Variants in ZFAT observed in about 807,000 individuals in gnomAD.
ZFAT encodes zinc finger and AT-hook domain containing, also known as zinc finger protein ZFAT.
A neutral mutation model predicts 117.7 loss-of-function variants in ZFAT; 64 were observed. The observed-to-expected ratio is 0.54, with a 90% CI of 0.44 to 0.67. The LOEUF (loss-of-function observed/expected upper bound fraction) is 0.67, where lower values mean the gene tolerates loss of function less well. Ranked by LOEUF, ZFAT falls within the 30% of genes least tolerant of loss-of-function variation. ZFAT has a pLI of 0.00. For synonymous variants in ZFAT, 679 were observed against 615.0 expected, an observed-to-expected ratio of 1.10 and a Z score of -1.54; for missense variants, 1,433 against 1,584.5, an observed-to-expected ratio of 0.90 and a Z score of 1.62.
the ZFAT span, among the ~76,000 whole-genome samples, chr8:134,738,507 C>T: frequency 6.6e-6 from 1 of 152,184 alleles, no homozygotes; most frequent in African/African-American, 2.4e-5. Context: ...CTAGACAAAA[C>T]CAGACACAGC....
chr8:134,527,795 T>C (rs1821128415), intron 12 of ZFAT, among the ~76,000 whole-genome samples: 1 of 152,190 alleles, frequency 6.6e-6, no homozygotes, highest in Non-Finnish European at 1.5e-5. Context: ...CAAGCTGATA[T>C]CCCAAACCCA....
intron 3 of ZFAT, among the ~76,000 whole-genome samples, chr8:134,636,797 T>C (rs572794942): frequency 6.6e-6 from 1 of 152,346 alleles, no homozygotes; most frequent in Non-Finnish European, 1.5e-5. Context: ...CCACAGCAAC[T>C]TCATTCCCTG....
chr8:134,782,702 G>A, the ZFAT span, among the ~76,000 whole-genome samples: 8 of 152,116 alleles, frequency 5.3e-5, no homozygotes, highest in East Asian at 5.8e-4. Context: ...CTTGTCTGCT[G>A]CCATGCAAGA....
intron 11 of ZFAT, among the ~76,000 whole-genome samples, chr8:134,538,673 T>G (rs1586667926): frequency 6.6e-6 from 1 of 151,898 alleles, no homozygotes; most frequent in East Asian, 1.9e-4. Flanking sequence ...GGTACATGCC[T>G]GTAGTCCCAG....
chr8:134,660,829 A>G (rs1343095528), intron 1 of ZFAT, among the ~76,000 whole-genome samples: 1 of 152,250 alleles, frequency 6.6e-6, no homozygotes, highest in Non-Finnish European at 1.5e-5. Flanking sequence ...GCATTTGTAT[A>G]TGACAAAGTG....
the ZFAT span, among the ~76,000 whole-genome samples, chr8:134,783,357 C>G: frequency 1.3e-3 from 196 of 152,238 alleles, no homozygotes; most frequent in Non-Finnish European, 2.4e-3. Flanking sequence ...CATCTCCTGT[C>G]AGATCAGCAG....
chr8:134,740,036 T>G, the ZFAT span, among the ~76,000 whole-genome samples: 1 of 152,216 alleles, frequency 6.6e-6, no homozygotes, highest in Non-Finnish European at 1.5e-5. Context: ...CAGAACCAAG[T>G]GTCAGTTGTC....
In ZFAT at chr8:134,712,765, C is replaced by A; in HGVS notation, c.19+80G>T. The A allele has an allele frequency of 3.6e-6, 5 of 1,396,972 alleles. No individual in the cohort carries two copies. The South Asian group carries it at 5.3e-5, about 15-fold the overall frequency. 86.5% of individuals were successfully genotyped at this position (1,396,972 alleles called of 1,614,324 possible). On this transcript the variant is annotated intron_variant, in intron 1 of 15. Coordinates refer to ENST00000377838, the MANE Select transcript of ZFAT (RefSeq NM_020863.4). ...GCGGCCGGCGCACTGCTTCCCGACT[C>A]GACGCTCGAAACGGCTTTCCGCGCG...
At chr8:134,699,880 G>A (rs779059385) in intron 1 of ZFAT, among the ~76,000 whole-genome samples, 2 of 152,218 alleles carry the variant, frequency 1.3e-5, no homozygotes, top group African/African-American at 2.4e-5. Context: ...ACAAGGCACC[G>A]GGGCAGGAGC....
intron 11 of ZFAT, among the ~76,000 whole-genome samples, chr8:134,557,162 G>A (rs1438189686): frequency 6.6e-6 from 1 of 152,050 alleles, no homozygotes; most frequent in South Asian, 2.1e-4. Flanking sequence ...ACTAGAATAT[G>A]TTGTAACAAA....
At chr8:134,616,521 G>A (rs1828745316) in intron 3 of ZFAT, among the ~76,000 whole-genome samples, 1 of 152,198 alleles carries the variant, frequency 6.6e-6, no homozygotes, top group Non-Finnish European at 1.5e-5. Flanking sequence ...CCCATCTTCA[G>A]TTCACATGTA....
chr8:134,479,752 T>C (rs2129992063), intron 15 of ZFAT, among the ~76,000 whole-genome samples: 1 of 152,208 alleles, frequency 6.6e-6, no homozygotes, highest in South Asian at 2.1e-4. Flanking sequence ...TGACCGGGCT[T>C]TGAGCATCAA....
At chr8:134,613,570 C>T (rs553956694) in intron 3 of ZFAT, among the ~76,000 whole-genome samples, 2 of 152,156 alleles carry the variant, frequency 1.3e-5, no homozygotes, top group African/African-American at 2.4e-5. Context: ...CCCACGGCTG[C>T]TTTGGGGTGT....
the ZFAT span, among the ~76,000 whole-genome samples, chr8:134,741,406 C>T: frequency 9.8e-5 from 15 of 152,296 alleles, no homozygotes; most frequent in East Asian, 5.8e-4. Flanking sequence ...TTCTCAGCAG[C>T]GTTGGGTTCT....
At chr8:134,723,463 T>C in the ZFAT span, 1 of 152,542 alleles carries the variant, frequency 6.6e-6, no homozygotes, top group African/African-American at 2.4e-5. Context: ...CCTGCAGGCA[T>C]GCGGAGGGAG....
At chr8:134,538,975 C>T (rs1026016121) in intron 11 of ZFAT, among the ~76,000 whole-genome samples, 1 of 152,082 alleles carries the variant, frequency 6.6e-6, no homozygotes, top group Non-Finnish European at 1.5e-5. Flanking sequence ...CAGAGTGAGA[C>T]CCTGTCTCTT....
chr8:134,495,060 C>T (rs1055684659), intron 15 of ZFAT, among the ~76,000 whole-genome samples: 1 of 152,172 alleles, frequency 6.6e-6, no homozygotes, highest in African/African-American at 2.4e-5. Flanking sequence ...CACACAGAAC[C>T]ACCACCTGCC....
At position 134,708,867 on chromosome 8, in the gene ZFAT, G is replaced by A. The variant is rs142860124; in HGVS notation, c.19+3978C>T. ...CTTGGGAGGCTGAGGCAGGAGAATC[G>A]CTTGAGCCCAGAAGGCAGAGGTTGC... On this transcript the variant is annotated intron_variant, in intron 1 of 15. Coordinates refer to ENST00000377838, the MANE Select transcript of ZFAT (RefSeq NM_020863.4). 3.0e-3 allele frequency among the ~76,000 whole-genome samples: 463 copies of A among 152,284 alleles called. 2 individuals carry two copies. The highest frequency in any genetic ancestry group is 0.011 in the African/African-American group (442 of 41,552).
In ZFAT at chr8:134,478,004, C is replaced by G. The variant is rs1002160460; in HGVS notation, c.*478G>C. ...CCAGGACAATCCCCCTACCCCCACC[C>G]CACCCAGCAGTGATTAAAAACCCGT... On this transcript the variant is annotated 3_prime_UTR_variant, in exon 16 of 16. Transcript: ENST00000377838. The surrounding 1 kb of genome is among the most constrained non-coding windows in gnomAD (Gnocchi z 5.2). The G allele has an allele frequency of 1.2e-5, 2 of 160,406 alleles. No homozygotes were observed. The highest frequency in any genetic ancestry group is 4.8e-5 in the African/African-American group (2 of 41,676). The allele number at this position is 160,406 out of a possible 1,614,324, so 9.9% of individuals were successfully genotyped here. A position where few individuals can be genotyped will look rare whatever the true frequency, so the allele number is the denominator to read the frequency against.
Sources: allele counts gnomAD v4.1 joint callset (sites outside exome capture counted in the v4.1 genomes callset), GRCh38; gene constraint gnomAD v4.1.1; non-coding constraint Gnocchi (gnomAD v3.1); transcripts MANE v1.5; gene names NCBI Gene and HGNC (gene_info 2026-07-23, HGNC 2026-07-21).